Variants in GRIK3 observed in about 807,000 individuals in gnomAD.
GRIK3 encodes glutamate ionotropic receptor kainate type subunit 3, also known as glutamate receptor ionotropic, kainate 3.
Under a neutral mutation model 102.5 loss-of-function variants are expected in GRIK3, and 29 were observed. The ratio of observed to expected loss-of-function variants is 0.28; its 90% CI spans 0.21 to 0.39. GRIK3 has a LOEUF of 0.39. Ranked by LOEUF, GRIK3 falls within the 10% of genes least tolerant of loss-of-function variation. GRIK3 has a pLI of 1.00. For missense variants in GRIK3, 908 were observed against 1,252.4 expected, an observed-to-expected ratio of 0.73 and a Z score of 4.15; for synonymous variants, 511 against 504.9, an observed-to-expected ratio of 1.01 and a Z score of -0.16.
intron 1 of GRIK3, among the ~76,000 whole-genome samples, chr1:36,969,325 G>A (rs376505623): frequency 1.3e-5 from 2 of 152,218 alleles, no homozygotes; most frequent in South Asian, 4.1e-4. Flanking sequence ...AACAGTGAAC[G>A]TTTAATAAGG....
intron 10 of GRIK3, among the ~76,000 whole-genome samples, chr1:36,837,449 A>C (rs1215446130): frequency 6.6e-6 from 1 of 151,982 alleles, no homozygotes; most frequent in Non-Finnish European, 1.5e-5. Context: ...CGGGAGCCTC[A>C]TCAGTTCTCC....
At chr1:36,826,480 T>C (rs2124198632) in intron 10 of GRIK3, among the ~76,000 whole-genome samples, 1 of 152,090 alleles carries the variant, frequency 6.6e-6, no homozygotes. Context: ...ATAGCCTACA[T>C]AACATAGTGA....
intron 12 of GRIK3, among the ~76,000 whole-genome samples, chr1:36,818,880 C>G (rs1642664682): frequency 6.6e-6 from 1 of 152,204 alleles, no homozygotes; most frequent in South Asian, 2.1e-4. Context: ...AAAAACTTGT[C>G]TGCACTCCCT....
rs74659584 is a variant in GRIK3 at position 36,957,487 on chromosome 1, G to C, written c.116-66391C>G. ...TATGTGCTCTGTGAGTCTGTGCCCC[G>C]TGAGCCTGTGTGCCCCATGACTCTG... On this transcript the variant is annotated intron_variant, in intron 1 of 15. Transcript: ENST00000373091. 3.7e-5 allele frequency among the ~76,000 whole-genome samples: 2 copies of C among 53,638 alleles called. 1 individual carries two copies. Among genetic ancestry groups the C allele is most frequent in the African/African-American group, 1.6e-4 (2 of 12,286 alleles). The allele number at this position is 53,638 out of a possible 152,430, so 35.2% of individuals were successfully genotyped here.
At chr1:37,010,498 C>A (rs1179813813) in intron 1 of GRIK3, among the ~76,000 whole-genome samples, 1 of 152,098 alleles carries the variant, frequency 6.6e-6, no homozygotes, top group Non-Finnish European at 1.5e-5. Context: ...GATTCGTGAA[C>A]CTACTCTGGT....
At chr1:36,919,047 A>G (rs1641437465) in intron 1 of GRIK3, among the ~76,000 whole-genome samples, 1 of 152,228 alleles carries the variant, frequency 6.6e-6, no homozygotes, top group Admixed American at 6.5e-5. Flanking sequence ...GGGTGAGATG[A>G]TGAGGAGCCC....
At chr1:36,918,020 C>G (rs1233052601) in intron 1 of GRIK3, among the ~76,000 whole-genome samples, 3 of 152,218 alleles carry the variant, frequency 2.0e-5, no homozygotes, top group Non-Finnish European at 4.4e-5. Context: ...TTTGCATGGG[C>G]TGTCAGCAGC....
intron 1 of GRIK3, among the ~76,000 whole-genome samples, chr1:36,982,933 C>T (rs142652400): frequency 1.3e-5 from 2 of 152,290 alleles, no homozygotes; most frequent in East Asian, 1.9e-4. Flanking sequence ...CCCCAGAACC[C>T]GATCATCTCC....
chr1:36,851,812 T>C (rs985591081), intron 8 of GRIK3, among the ~76,000 whole-genome samples: 4 of 152,148 alleles, frequency 2.6e-5, no homozygotes, highest in African/African-American at 9.7e-5. Flanking sequence ...GGAGGGCTGT[T>C]TGGAGAAGGA....
At chr1:36,938,739 G>A (rs761726952) in intron 1 of GRIK3, among the ~76,000 whole-genome samples, 12 of 152,158 alleles carry the variant, frequency 7.9e-5, no homozygotes, top group Non-Finnish European at 1.3e-4. Flanking sequence ...TCTTGTACCT[G>A]AGCCCAACTC....
intron 1 of GRIK3, among the ~76,000 whole-genome samples, chr1:36,945,311 G>A (rs1446804402): frequency 6.6e-6 from 1 of 152,262 alleles, no homozygotes; most frequent in African/African-American, 2.4e-5. Flanking sequence ...AAGCAGTGGA[G>A]TGGAGGTTGT....
chr1:36,832,242 C>T (rs565509273), intron 10 of GRIK3, among the ~76,000 whole-genome samples: 1 of 152,316 alleles, frequency 6.6e-6, no homozygotes, highest in African/African-American at 2.4e-5. Context: ...GTTGTGTGCC[C>T]CATGGCTGGC....
chr1:36,864,367 G>A (rs1378113444), intron 5 of GRIK3, among the ~76,000 whole-genome samples: 1 of 152,200 alleles, frequency 6.6e-6, no homozygotes, highest in Non-Finnish European at 1.5e-5. Flanking sequence ...AAGAGAAGCT[G>A]AGCTCTGCCT....
At chr1:36,908,963 A>G (rs1258870118) in intron 1 of GRIK3, among the ~76,000 whole-genome samples, 2 of 152,208 alleles carry the variant, frequency 1.3e-5, no homozygotes, top group Admixed American at 6.5e-5. Context: ...ACTGTGTTCC[A>G]GGGATGATGC....
At chr1:36,930,860 C>T (rs568557700) in intron 1 of GRIK3, among the ~76,000 whole-genome samples, 6 of 152,316 alleles carry the variant, frequency 3.9e-5, no homozygotes, top group Non-Finnish European at 8.8e-5. Context: ...ATCTTGAGAG[C>T]TACCCTTATC....
chr1:36,838,992 C>T lies in GRIK3; in HGVS notation c.1530+2744G>A, dbSNP rs530768919. Among the ~76,000 whole-genome samples the T allele has an allele frequency of 4.6e-5, 7 of 152,294 alleles. No individual in the cohort carries two copies. In the East Asian group the frequency reaches 1.2e-3, roughly 25 times the overall value. ...GGCTGCTCGGAGGCCGTGGACGACACTCCCTCCTTTTCCCAGCTGAGGGTC... is the reference window on the plus strand; with the variant it reads ...GGCTGCTCGGAGGCCGTGGACGACATTCCCTCCTTTTCCCAGCTGAGGGTC... On this transcript the variant is annotated intron_variant, in intron 10 of 15. Coordinates refer to ENST00000373091, the MANE Select transcript of GRIK3 (RefSeq NM_000831.4).
intron 5 of GRIK3, among the ~76,000 whole-genome samples, chr1:36,866,050 A>T (rs1313213832): frequency 6.6e-6 from 1 of 152,148 alleles, no homozygotes; most frequent in African/African-American, 2.4e-5. Flanking sequence ...TGCCTGGCTA[A>T]TATTTTTATT....
intron 1 of GRIK3, among the ~76,000 whole-genome samples, chr1:36,964,639 G>C (rs1056712961): frequency 3.3e-5 from 5 of 152,170 alleles, no homozygotes; most frequent in Non-Finnish European, 5.9e-5. Flanking sequence ...GAAAATGGAG[G>C]CTCAGTGAAG....
chr1:36,982,814 T>C (rs190310781), intron 1 of GRIK3, among the ~76,000 whole-genome samples: 359 of 11,306 alleles, frequency 0.032, 2 homozygotes, highest in Non-Finnish European at 0.043. Flanking sequence ...GAGCAGGAAG[T>C]GGGGGTGGTG....
Sources: gnomAD v4.1 joint callset for allele counts (sites outside exome capture counted in the v4.1 genomes callset) on GRCh38, gnomAD v4.1.1 for gene constraint, MANE v1.5 for transcripts, NCBI Gene and HGNC (gene_info 2026-07-23, HGNC 2026-07-21) for gene names.